VASN: variants seen among roughly 807,000 people sequenced by gnomAD.
VASN encodes the protein vasorin, also known as protein slit-like 2.
VASN carries 5 observed loss-of-function variants against 4.8 expected under a neutral mutation model. The ratio of observed to expected loss-of-function variants is 1.03; its 90% confidence interval spans 0.54 to 2.17. The LOEUF is 2.17. VASN is among the 30% of genes most tolerant of loss of function. VASN has a pLI of 0.01. For missense variants in VASN, 927 were observed against 948.8 expected, an observed-to-expected ratio of 0.98 and a Z score of 0.30; for synonymous variants, 499 against 460.8, an observed-to-expected ratio of 1.08 and a Z score of -1.06.
rs767150297 is a variant in VASN at position 4,382,527 on chromosome 16, C to T, written c.1650C>T (p.Cys550=). The T allele has an allele frequency of 1.7e-5, 27 of 1,592,242 alleles. No individual in the cohort carries two copies. Among genetic ancestry groups the T allele is most frequent in the South Asian group, 1.0e-4 (9 of 88,174 alleles). The part of the protein sequence containing the change: ...PGRVPEGEEA[C]GEAHTPPAVH... The stretch of plus-strand genomic sequence containing the variant: ...GGGTGCCGGAGGGCGAGGAGGCCTG[C>T]GGGGAGGCCCATACACCCCCAGCCG... Residue 550 remains cysteine, a synonymous_variant, in exon 2 of 2, where the codon TGC becomes TGT. Transcript: ENST00000304735.
chr16:4,381,583 C>A lies in VASN; in HGVS notation c.706C>A (p.Arg236=). The A allele has an allele frequency of 6.2e-7, 1 of 1,603,164 alleles. No individual in the cohort carries two copies. Among genetic ancestry groups the A allele is most frequent in the South Asian group, 1.1e-5 (1 of 89,646 alleles). ...GCTGGAGCGAGTGCCACCTGTGATCCGAGGCCTCCGGGGCCTGACGCGCCT... is the reference window on the plus strand; with the variant it reads ...GCTGGAGCGAGTGCCACCTGTGATCAGAGGCCTCCGGGGCCTGACGCGCCT... ...NQLERVPPVI[R]GLRGLTRLRL... The change falls in exon 2 of 2, where the codon CGA becomes AGA. Residue 236 remains arginine (R), a synonymous_variant. Coordinates refer to ENST00000304735, the MANE Select transcript of VASN (RefSeq NM_138440.3).
chr16:4,381,819 CGA>C lies in VASN; in HGVS notation c.946_947del (p.Ser316ProfsTer8). ...PLSWFGPWVR[E>X]SHVTLASPEE... ...TGAGCTGGTTTGGCCCCTGGGTGCG[CGA>C]GAGCCACGTCACACTGGCCAGCCCT... On this transcript the variant is annotated frameshift_variant, in exon 2 of 2. Transcript: ENST00000304735. LOFTEE classifies it low-confidence loss of function (END_TRUNC). 1.2e-6 allele frequency: 2 copies of C among 1,600,670 alleles called. No individual in the cohort carries two copies. The highest frequency in any genetic ancestry group is 1.7e-6 in the Non-Finnish European group (2 of 1,179,590).
At chr16:4,373,200 G>C (rs1006569718) in intron 1 of VASN, among the ~76,000 whole-genome samples, 3 of 152,140 alleles carry the variant, frequency 2.0e-5, no homozygotes, top group Non-Finnish European at 4.4e-5. Flanking sequence ...GAGTTGGCCT[G>C]GAGCTTCTGT....
At chr16:4,377,921 A>C (rs2054805092) in intron 1 of VASN, among the ~76,000 whole-genome samples, 1 of 152,200 alleles carries the variant, frequency 6.6e-6, no homozygotes, top group African/African-American at 2.4e-5. Context: ...TGTCCTGCTA[A>C]CAGGAACGCA....
intron 1 of VASN, among the ~76,000 whole-genome samples, chr16:4,377,643 C>T (rs944169266): frequency 9.2e-5 from 14 of 152,210 alleles, no homozygotes; most frequent in African/African-American, 2.7e-4. Flanking sequence ...AGCCTTCCCT[C>T]GCTGGGTTCC....
rs1449523930 is a variant in VASN, at chr16:4,382,310, T to G, written c.1433T>G (p.Val478Gly). ...CCGGTGAGCCCCACCTCCCTGCGCG[T>G]GGGGCTGCAGCGCTACCTCCAGGGG... ...IEPVSPTSLR[V>G]GLQRYLQGSS... Residue 478 changes from valine (V) to glycine (G), a missense_variant, in exon 2 of 2, where the codon GTG (valine) becomes GGG (glycine). Transcript: ENST00000304735. The G allele has an allele frequency of 3.1e-6, 5 of 1,610,922 alleles. No homozygotes were observed. The highest frequency in any genetic ancestry group is 4.2e-6 in the Non-Finnish European group (5 of 1,179,274).
intron 1 of VASN, among the ~76,000 whole-genome samples, chr16:4,380,475 G>A (rs879798574): frequency 8.9e-4 from 135 of 152,338 alleles, no homozygotes; most frequent in Admixed American, 3.0e-3. Context: ...CTGCCTGCCT[G>A]CCCCCTCTTC....
At position 4,373,900 on chromosome 16, in the gene VASN, C is replaced by T. The variant is rs373779911; in HGVS notation, c.-10+1907C>T. Among the ~76,000 whole-genome samples, 4 of 152,242 alleles carry T rather than the reference C, an allele frequency of 2.6e-5. No homozygotes were observed. The East Asian group carries it at 5.8e-4, about 22-fold the overall frequency. On this transcript the variant is annotated intron_variant, in intron 1 of 1. Transcript: ENST00000304735. ...ATGGCTATCCCTGACCACTGGCCAGCCCTGAGCTCATGGGAGGGCAGCAAG... is the reference window on the plus strand; with the variant it reads ...ATGGCTATCCCTGACCACTGGCCAGTCCTGAGCTCATGGGAGGGCAGCAAG...
rs767936854 is a variant in VASN at position 4,381,720 on chromosome 16, C to T, written c.843C>T (p.Gly281=). ...VSNLSLQALP[G]DLSGLFPRLR... ...ACCTAAGCCTGCAGGCCCTGCCTGG[C>T]GACCTCTCGGGCCTCTTCCCCCGCC... Residue 281 remains glycine (G), a synonymous_variant, in exon 2 of 2, where the codon GGC becomes GGT. Coordinates refer to ENST00000304735, the MANE Select transcript of VASN (RefSeq NM_138440.3). 51 of 1,606,354 alleles carry T rather than the reference C, an allele frequency of 3.2e-5. No homozygotes were observed. The East Asian group carries it at 4.5e-4, about 14-fold the overall frequency.
intron 1 of VASN, among the ~76,000 whole-genome samples, chr16:4,379,084 C>T (rs1480639748): frequency 1.3e-5 from 2 of 151,986 alleles, no homozygotes; most frequent in African/African-American, 4.8e-5. Flanking sequence ...TCCAGGAACC[C>T]ACGTACCTGG....
In VASN at chr16:4,378,995, G is replaced by A. The variant is rs2054855861; in HGVS notation, c.-9-1874G>A. On this transcript the variant is annotated intron_variant, in intron 1 of 1. Coordinates refer to ENST00000304735, the MANE Select transcript of VASN (RefSeq NM_138440.3). ...GGACAAGGGCTTCTTCCTTCACCTC[G>A]AGCTACCCGCAGACCCCAGTGGTCA... Among the ~76,000 whole-genome samples, 4 of 152,188 alleles carry A rather than the reference G, an allele frequency of 2.6e-5. 1 individual carries two copies. The Middle Eastern group carries it at 0.01, about 388-fold the overall frequency.
At chr16:4,375,367 G>A (rs987218011) in intron 1 of VASN, among the ~76,000 whole-genome samples, 3 of 152,236 alleles carry the variant, frequency 2.0e-5, no homozygotes, top group African/African-American at 4.8e-5. Context: ...ACAGGAAGAC[G>A]AGCTGACATC....
chr16:4,380,249 C>T (rs1400774154), intron 1 of VASN, among the ~76,000 whole-genome samples: 2 of 152,206 alleles, frequency 1.3e-5, no homozygotes, highest in Admixed American at 6.5e-5. Context: ...TGGCCTCTGC[C>T]CCTCCTCCAG....
chr16:4,372,415 G>A (rs1235183275), intron 1 of VASN, among the ~76,000 whole-genome samples: 1 of 152,258 alleles, frequency 6.6e-6, no homozygotes, highest in East Asian at 1.9e-4. Context: ...CAGAAGGGCT[G>A]CCCGGGGTCC....
chr16:4,378,339 GTGGCCAGGC>G (rs141346072), intron 1 of VASN, among the ~76,000 whole-genome samples: 2,220 of 152,244 alleles, frequency 0.015, 38 homozygotes, highest in Middle Eastern at 0.037. Flanking sequence ...GGCCACAGTG[GTGGCCAGGC>G]TGGCCAGGCT....
chr16:4,378,858 G>T (rs541869470), intron 1 of VASN, among the ~76,000 whole-genome samples: 39 of 152,158 alleles, frequency 2.6e-4, no homozygotes, highest in African/African-American at 8.4e-4. Flanking sequence ...GCCTCTGAAG[G>T]GTGCTTGTTG....
rs369854738 is a variant in VASN, at chr16:4,381,456, C to A, written c.579C>A (p.Asn193Lys). 28 of 1,579,492 alleles carry A rather than the reference C, an allele frequency of 1.8e-5. No homozygotes were observed. The highest frequency in any genetic ancestry group is 2.4e-5 in the Non-Finnish European group (28 of 1,164,572). The change falls in exon 2 of 2, where the codon AAC (asparagine) becomes AAA (lysine). Residue 193 changes from asparagine to lysine, a missense_variant. By Grantham distance (94) the Asn-to-Lys change is moderately conservative. Coordinates refer to ENST00000304735, the MANE Select transcript of VASN (RefSeq NM_138440.3). ...AGCCCGGCATCCTGGACACTGCCAACGTGGAGGCGCTGCGGCTGGCTGGTC... is the reference window on the plus strand; with the variant it reads ...AGCCCGGCATCCTGGACACTGCCAAAGTGGAGGCGCTGCGGCTGGCTGGTC... ...ALEPGILDTA[N>K]VEALRLAGLG...
rs374474637 is a variant in VASN at position 4,381,280 on chromosome 16, C to T, written c.403C>T (p.Arg135Cys). 3.8e-5 allele frequency: 61 copies of T among 1,611,528 alleles called. No homozygotes were observed. The highest frequency in any genetic ancestry group is 4.5e-5 in the East Asian group (2 of 44,772). Residue 135 changes from arginine to cysteine, a missense_variant, in exon 2 of 2, where the codon CGC becomes TGC. By Grantham distance (180) the Arg-to-Cys change is radical. Coordinates refer to ENST00000304735, the MANE Select transcript of VASN (RefSeq NM_138440.3). ...CGAGCGCCTCTACCTGGGCAAGAAC[C>T]GCATCCGCCACATCCAGCCTGGTGC... ...RLERLYLGKN[R>C]IRHIQPGAFD...
Position 4,382,135 on chromosome 16 carries a change from T to C in VASN, c.1258T>C (p.Cys420Arg). 1 of 1,590,560 alleles carries C rather than the reference T, an allele frequency of 6.3e-7. No individual in the cohort carries two copies. Residue 420 changes from cysteine to arginine, a missense_variant, in exon 2 of 2, where the codon TGC (cysteine) becomes CGC (arginine). Coordinates refer to ENST00000304735, the MANE Select transcript of VASN (RefSeq NM_138440.3). ...PPSTCLNGGT[C>R]HLGTRHHLAC... ...GTCCACCTGCCTCAATGGGGGCACATGCCACCTGGGGACACGGCACCACCT... is the reference window on the plus strand; with the variant it reads ...GTCCACCTGCCTCAATGGGGGCACACGCCACCTGGGGACACGGCACCACCT...
Sources: allele counts gnomAD v4.1 joint callset (sites outside exome capture counted in the v4.1 genomes callset), GRCh38; gene constraint gnomAD v4.1.1; transcripts MANE v1.5; gene names NCBI Gene and HGNC (gene_info 2026-07-23, HGNC 2026-07-21).